The following SPTLC1 variants were observed in gnomAD, a reference collection of about 807,000 sequenced individuals.
The protein encoded by SPTLC1 is serine palmitoyltransferase long chain base subunit 1.
Under a neutral mutation model 68.9 loss-of-function variants are expected in SPTLC1, and 55 were observed. That is an observed-to-expected ratio of 0.80 (90% CI 0.64 to 1.00). The LOEUF is 1.00. SPTLC1 is among the 50% of genes least tolerant of loss of function. The pLI is 0.00. For missense variants in SPTLC1, 449 were observed against 573.1 expected, an observed-to-expected ratio of 0.78 and a Z score of 2.21; for synonymous variants, 197 against 201.6, an observed-to-expected ratio of 0.98 and a Z score of 0.19.
rs1587620420 is a variant in SPTLC1, at chr9:92,108,902, T to C, written c.166-68A>G. The C allele has an allele frequency of 4.4e-6, 7 of 1,587,688 alleles. No homozygotes were observed. The East Asian group carries it at 9.0e-5, about 21-fold the overall frequency. On this transcript the variant is annotated intron_variant, in intron 2 of 14. Coordinates refer to ENST00000262554, the MANE Select transcript of SPTLC1 (RefSeq NM_006415.4). ...TATCAATTATTAGTGTCTCTGCAAC[T>C]TCAGTATTTCTTATTATTCTAATTC...
intron 3 of SPTLC1, chr9:92,108,182 C>T (rs1836075384): frequency 6.3e-6 from 1 of 157,952 alleles, no homozygotes; most frequent in Non-Finnish European, 1.4e-5. Context: ...TTTCTATATT[C>T]TTACTGTATT....
At position 92,041,875 on chromosome 9, in the gene SPTLC1, A is replaced by G. The variant is rs539923456; in HGVS notation, c.1137-3510T>C. ...TTTATGATTTACCTTAATAGATGTA[A>G]AAAAAATGGATAAAGTTCAACGTCT... On this transcript the variant is annotated intron_variant, in intron 12 of 14. Coordinates refer to ENST00000262554, the MANE Select transcript of SPTLC1 (RefSeq NM_006415.4). Among the ~76,000 whole-genome samples the G allele has an allele frequency of 4.4e-4, 67 of 152,266 alleles. No individual in the cohort carries two copies. In the South Asian group the frequency reaches 0.012, roughly 28 times the overall value.
chr9:92,098,343 T>G (rs7046540), intron 3 of SPTLC1, among the ~76,000 whole-genome samples: 49,452 of 148,952 alleles, frequency 0.33, 11,577 homozygotes, highest in African/African-American at 0.66. Context: ...ATAAAAGCGC[T>G]CTGCACCTTT....
chr9:92,064,273 T>TA (rs1834206952), intron 6 of SPTLC1, among the ~76,000 whole-genome samples: 1 of 152,088 alleles, frequency 6.6e-6, no homozygotes, highest in South Asian at 2.1e-4. Flanking sequence ...ATCTAGAATG[T>TA]ATAAAGAACT....
intron 3 of SPTLC1, among the ~76,000 whole-genome samples, chr9:92,088,214 C>G (rs1355577406): frequency 6.6e-6 from 1 of 152,258 alleles, no homozygotes; most frequent in Non-Finnish European, 1.5e-5. Context: ...AAGGCAATGC[C>G]TCACCCTGCT....
At chr9:92,074,404 C>G (rs1422323098) in intron 5 of SPTLC1, among the ~76,000 whole-genome samples, 1 of 152,070 alleles carries the variant, frequency 6.6e-6, no homozygotes, top group Non-Finnish European at 1.5e-5. Flanking sequence ...AATTATCCTC[C>G]TCCCTGACTA....
intron 5 of SPTLC1, among the ~76,000 whole-genome samples, chr9:92,068,904 G>A (rs1325279092): frequency 6.6e-6 from 1 of 152,156 alleles, no homozygotes; most frequent in East Asian, 1.9e-4. Flanking sequence ...GCCTTAAAAT[G>A]AGACATTATC....
chr9:92,087,884 T>C (rs1564108735), intron 3 of SPTLC1, among the ~76,000 whole-genome samples: 2 of 152,266 alleles, frequency 1.3e-5, no homozygotes, highest in Non-Finnish European at 2.9e-5. Flanking sequence ...CTCCTTGAGC[T>C]GTGGTGGGCT....
chr9:92,087,407 A>G (rs2118722824), intron 3 of SPTLC1, among the ~76,000 whole-genome samples: 1 of 152,240 alleles, frequency 6.6e-6, no homozygotes, highest in Middle Eastern at 3.4e-3. Context: ...ATGGTGATGT[A>G]CAGATGGGTT....
At chr9:92,079,216 C>T in intron 5 of SPTLC1, 1 of 405,320 alleles carries the variant, frequency 2.5e-6, no homozygotes, top group Non-Finnish European at 4.0e-6. Flanking sequence ...GCTGGGATTA[C>T]AGGTATCCAC....
At chr9:92,065,691 C>T (rs1454690267) in intron 6 of SPTLC1, among the ~76,000 whole-genome samples, 1 of 152,202 alleles carries the variant, frequency 6.6e-6, no homozygotes, top group Non-Finnish European at 1.5e-5. Context: ...AACCTAGAAA[C>T]ACTGTTTAAG....
At chr9:92,036,079 A>G (rs544007656) in intron 13 of SPTLC1, among the ~76,000 whole-genome samples, 38 of 152,336 alleles carry the variant, frequency 2.5e-4, no homozygotes, top group African/African-American at 8.2e-4. Context: ...GAGTGGAACA[A>G]AAGATTCGGA....
intron 5 of SPTLC1, among the ~76,000 whole-genome samples, chr9:92,074,642 G>A (rs1834614076): frequency 6.6e-6 from 1 of 151,988 alleles, no homozygotes; most frequent in South Asian, 2.1e-4. Context: ...CCTAAAGCCT[G>A]TTATTACCTG....
chr9:92,094,188 T>C (rs970686621), intron 3 of SPTLC1, among the ~76,000 whole-genome samples: 1 of 152,132 alleles, frequency 6.6e-6, no homozygotes, highest in Non-Finnish European at 1.5e-5. Context: ...ATTAAGAAAT[T>C]TGGTTCAACG....
chr9:92,095,756 A>C (rs1010496147), intron 3 of SPTLC1, among the ~76,000 whole-genome samples: 1 of 152,230 alleles, frequency 6.6e-6, no homozygotes, highest in Non-Finnish European at 1.5e-5. Context: ...GAAACTGGAA[A>C]GCAAATGGAT....
At chr9:92,053,071 C>G (rs11790093) in intron 8 of SPTLC1, among the ~76,000 whole-genome samples, 25,055 of 150,386 alleles carry the variant, frequency 0.17, 2,420 homozygotes, top group Non-Finnish European at 0.21. Flanking sequence ...AAAAAATGGG[C>G]AAAGCACCTG....
Position 92,080,946 on chromosome 9 carries a change from G to C in SPTLC1, c.278C>G (p.Thr93Ser). 6.2e-7 allele frequency: 1 copy of C among 1,614,044 alleles called. No homozygotes were observed. Among genetic ancestry groups the C allele is most frequent in the Non-Finnish European group, 8.5e-7 (1 of 1,179,918 alleles). The change falls in exon 4 of 15, where the codon ACT (threonine) becomes AGT (serine). Residue 93 changes from threonine to serine, a missense_variant. Physicochemically the swap from Thr to Ser is moderately conservative, Grantham distance 58 (BLOSUM62 1). This residue lies in a region of SPTLC1 where 391 missense variants were observed against 472.1 expected (regional missense o/e 0.83). Transcript: ENST00000262554. Reference sequence around the variant, plus strand: ...TATACATTCTTTTCCATTCACCACAGTTTTGTGGCTTGGAGGGCTAGGGAA... The same window carrying C: ...TATACATTCTTTTCCATTCACCACACTTTTGTGGCTTGGAGGGCTAGGGAA... ...NIVSGPPSHK[T>S]VVNGKECINF...
chr9:92,096,992 C>T (rs888415909), intron 3 of SPTLC1, among the ~76,000 whole-genome samples: 2 of 151,958 alleles, frequency 1.3e-5, no homozygotes, highest in African/African-American at 4.8e-5. Context: ...AAAGAACCCC[C>T]AATTGAAAAC....
At chr9:92,107,843 T>C (rs1003027069) in intron 3 of SPTLC1, 2 of 152,230 alleles carry the variant, frequency 1.3e-5, no homozygotes, top group Non-Finnish European at 2.9e-5. Flanking sequence ...GAAGCTCCTG[T>C]TTGATCAGAT....
Sources: gnomAD v4.1 joint callset for allele counts (sites outside exome capture counted in the v4.1 genomes callset) on GRCh38, gnomAD v4.1.1 for gene constraint, gnomAD v4.1.1 regional missense constraint, MANE v1.5 for transcripts, NCBI Gene and HGNC (gene_info 2026-07-23, HGNC 2026-07-21) for gene names.